Variants in TRAPPC10 observed in about 807,000 individuals in gnomAD.
The protein encoded by TRAPPC10 is trafficking protein particle complex subunit 10.
A neutral mutation model predicts 125.5 loss-of-function variants in TRAPPC10; 23 were observed. That is an observed-to-expected ratio of 0.18 (90% confidence interval 0.13 to 0.26). The LOEUF (loss-of-function observed/expected upper bound fraction) is 0.26. TRAPPC10 is among the 10% of genes least tolerant of loss of function. The pLI is 1.00. For synonymous variants in TRAPPC10, 509 were observed against 518.0 expected (o/e 0.98, Z 0.24); for missense variants, 1,123 against 1,308.4 (o/e 0.86, Z 2.19).
intron 3 of TRAPPC10, among the ~76,000 whole-genome samples, chr21:44,044,201 T>TTA (rs1414077611): frequency 6.6e-6 from 1 of 152,222 alleles, no homozygotes; most frequent in Non-Finnish European, 1.5e-5. Flanking sequence ...TTTCCATTCT[T>TTA]TATGACTTTT....
intron 2 of TRAPPC10, among the ~76,000 whole-genome samples, chr21:44,033,447 G>C (rs1195140668): frequency 6.6e-6 from 1 of 152,148 alleles, no homozygotes; most frequent in Non-Finnish European, 1.5e-5. Context: ...GAGGCCCAGT[G>C]CTGTGAAAGA....
At chr21:44,076,228 A>G (rs2037269020) in intron 9 of TRAPPC10, among the ~76,000 whole-genome samples, 1 of 152,364 alleles carries the variant, frequency 6.6e-6, no homozygotes, top group African/African-American at 2.4e-5. Context: ...CGTAGTATTT[A>G]TATTTCATTG....
chr21:44,083,957 T>C (rs2037942203), intron 14 of TRAPPC10, among the ~76,000 whole-genome samples, 165 bp from the exon 15 acceptor site: 1 of 152,200 alleles, frequency 6.6e-6, no homozygotes, highest in South Asian at 2.1e-4. Context: ...GAGGGCCTTG[T>C]GAAGAGCCCA....
chr21:44,028,576 G>T (rs1353679955), intron 1 of TRAPPC10, among the ~76,000 whole-genome samples: 2 of 152,220 alleles, frequency 1.3e-5, no homozygotes, highest in Non-Finnish European at 2.9e-5. Context: ...TCCCCAGTGG[G>T]CATGAGAGCC....
At chr21:44,024,709 T>C (rs1316249952) in intron 1 of TRAPPC10, among the ~76,000 whole-genome samples, 1 of 152,206 alleles carries the variant, frequency 6.6e-6, no homozygotes, top group Non-Finnish European at 1.5e-5. Context: ...TGATTATTTT[T>C]AGGGAAAACC....
chr21:44,084,942 A>ACGCCCTCCCTGGGCGC (rs1452280795), intron 15 of TRAPPC10, among the ~76,000 whole-genome samples: 1 of 152,162 alleles, frequency 6.6e-6, no homozygotes, highest in Non-Finnish European at 1.5e-5. Flanking sequence ...CAGAGCTTCC[A>ACGCCCTCCCTGGGCGC]CGCCCTCCCT....
chr21:44,055,958 C>A, intron 5 of TRAPPC10, 65 bp downstream of exon 5: 1 of 1,368,374 alleles, frequency 7.3e-7, no homozygotes, highest in Non-Finnish European at 9.9e-7. Context: ...CCCTCCCTCT[C>A]TCCTCCTTTC....
In TRAPPC10 at chr21:44,021,885, T is replaced by C. The variant is rs183740386; in HGVS notation, c.67+9325T>C. Among the ~76,000 whole-genome samples the C allele has an allele frequency of 2.0e-5, 3 of 152,094 alleles. No individual in the cohort carries two copies. The East Asian group carries it at 5.8e-4, about 29-fold the overall frequency. ...AACACAGGCCTCACCAGAAACCTAA[T>C]CTACTGACACCTTGATCTCGGGCTT... On this transcript the variant is annotated intron_variant, in intron 1 of 22. Transcript: ENST00000291574.
At chr21:44,021,755 C>T (rs1262087390) in intron 1 of TRAPPC10, among the ~76,000 whole-genome samples, 1 of 152,110 alleles carries the variant, frequency 6.6e-6, no homozygotes, top group Non-Finnish European at 1.5e-5. Context: ...AGGGTGGGCC[C>T]TTTATTATTG....
intron 1 of TRAPPC10, among the ~76,000 whole-genome samples, chr21:44,017,285 C>T (rs941656155): frequency 6.6e-6 from 1 of 152,186 alleles, no homozygotes; most frequent in African/African-American, 2.4e-5. Flanking sequence ...ACCATTCCAT[C>T]TTGTACGCAT....
At chr21:44,045,178 C>T (rs1324904369) in intron 3 of TRAPPC10, among the ~76,000 whole-genome samples, 1 of 152,104 alleles carries the variant, frequency 6.6e-6, no homozygotes, top group East Asian at 1.9e-4. Flanking sequence ...TGTGATCCGC[C>T]CGCCTCTGCC....
chr21:44,042,012 C>T (rs1054251752), intron 3 of TRAPPC10, among the ~76,000 whole-genome samples: 1 of 152,106 alleles, frequency 6.6e-6, no homozygotes, highest in Non-Finnish European at 1.5e-5. Context: ...GCGCCCAGCC[C>T]CCATCATTAT....
At chr21:44,016,951 A>G (rs552063254) in intron 1 of TRAPPC10, among the ~76,000 whole-genome samples, 41 of 152,338 alleles carry the variant, frequency 2.7e-4, no homozygotes, top group East Asian at 2.5e-3. Context: ...CACCGCGCCC[A>G]GCCAGGTTAA....
At chr21:44,072,192 T>C (rs989723020) in intron 7 of TRAPPC10, among the ~76,000 whole-genome samples, 1 of 152,222 alleles carries the variant, frequency 6.6e-6, no homozygotes, top group African/African-American at 2.4e-5. Context: ...GGCATTTTGG[T>C]GGTATCATTT....
rs1298345137 is a variant in TRAPPC10, at chr21:44,059,543, G to T, written c.790+329G>T. 2.7e-6 allele frequency: 2 copies of T among 731,416 alleles called. No individual in the cohort carries two copies. 45.3% of individuals were successfully genotyped at this position (731,416 alleles called of 1,614,324 possible). On this transcript the variant is annotated intron_variant, in intron 6 of 22. Transcript: ENST00000291574. This position sits in a 1 kb window ranked among gnomAD's most constrained non-coding sequence, Gnocchi z 4.4. ...GTCCCTCGTTAGAATCAGAGTGGAC[G>T]TCCCTTTGCCTTCCATCCAGGGGTT... is the stretch of plus-strand genomic sequence containing the variant.
intron 18 of TRAPPC10, 124 bp downstream of exon 18, chr21:44,090,057 A>G (rs2038467546): frequency 1.5e-6 from 1 of 653,232 alleles, no homozygotes; most frequent in Middle Eastern, 2.6e-4. Flanking sequence ...CCACAAGGCC[A>G]TTGTTTGTGT....
intron 3 of TRAPPC10, among the ~76,000 whole-genome samples, chr21:44,047,530 GTA>G (rs10525091): frequency 2.3e-3 from 258 of 110,188 alleles, no homozygotes; most frequent in African/African-American, 7.5e-3. Flanking sequence ...CTCTGGGGGA[GTA>G]TGTGTGTGTG....
In TRAPPC10 at chr21:44,031,129, A is replaced by G. The variant is rs1293741564; in HGVS notation, c.68-962A>G. ...CCCGGAAATGTCATTACCCTTCCTC[A>G]GTGACTTGACATTATTATATGAGTT... On this transcript the variant is annotated intron_variant, in intron 1 of 22. Coordinates refer to ENST00000291574, the MANE Select transcript of TRAPPC10 (RefSeq NM_003274.5). Among the ~76,000 whole-genome samples the G allele has an allele frequency of 2.6e-5, 4 of 152,328 alleles. No homozygotes were observed. In the East Asian group the frequency reaches 7.7e-4, roughly 29 times the overall value.
chr21:44,024,741 A>G (rs2032888718), intron 1 of TRAPPC10, among the ~76,000 whole-genome samples: 1 of 152,154 alleles, frequency 6.6e-6, no homozygotes, highest in South Asian at 2.1e-4. Context: ...TAATTGCTTT[A>G]TAACTATATA....
Sources: gnomAD v4.1 joint callset for allele counts (sites outside exome capture counted in the v4.1 genomes callset) on GRCh38, gnomAD v4.1.1 for gene constraint, Gnocchi (gnomAD v3.1) non-coding constraint, MANE v1.5 for transcripts, NCBI Gene and HGNC (gene_info 2026-07-23, HGNC 2026-07-21) for gene names.